DLG2: variants seen among roughly 807,000 people sequenced by gnomAD.
DLG2 encodes disks large homolog 2.
DLG2 carries 45 observed loss-of-function variants against 132.5 expected under a neutral mutation model. The ratio of observed to expected loss-of-function variants is 0.34; its 90% CI spans 0.27 to 0.44. DLG2 has a LOEUF of 0.44. Ranked by LOEUF, DLG2 falls within the 20% of genes least tolerant of loss-of-function variation. The pLI, the probability that DLG2 is intolerant of heterozygous loss-of-function variation, is 1.00. For missense variants in DLG2, 1,045 were observed against 1,196.9 expected (o/e 0.87, Z 1.87); for synonymous variants, 424 against 419.6 (o/e 1.01, Z -0.13).
chr11:84,481,588 A>G (rs1208867216), intron 7 of DLG2, among the ~76,000 whole-genome samples: 1 of 152,114 alleles, frequency 6.6e-6, no homozygotes, highest in African/African-American at 2.4e-5. Flanking sequence ...TTTTACCCAC[A>G]ATGTCTTCAG....
chr11:83,480,316 C>T, intron 22 of DLG2: 1 of 1,371,202 alleles, frequency 7.3e-7, no homozygotes. Context: ...AAATGACCAC[C>T]ACAGGCAATG....
intron 3 of DLG2, among the ~76,000 whole-genome samples, chr11:85,533,474 TATA>T (rs1206101621): frequency 1.3e-5 from 2 of 148,442 alleles, no homozygotes; most frequent in African/African-American, 4.9e-5. Flanking sequence ...TATATATATA[TATA>T]ATTCTTTTTA....
intron 11 of DLG2, among the ~76,000 whole-genome samples, chr11:83,998,768 T>C (rs2094180712): frequency 6.6e-6 from 1 of 152,060 alleles, no homozygotes; most frequent in Admixed American, 6.6e-5. Flanking sequence ...AAGCCACCGT[T>C]TTAGAGTCCT....
At chr11:83,517,683 G>A (rs942089325) in intron 21 of DLG2, among the ~76,000 whole-genome samples, 5 of 152,068 alleles carry the variant, frequency 3.3e-5, no homozygotes, top group East Asian at 1.9e-4. Flanking sequence ...TGATGGTGAC[G>A]TACAGATGGG....
At chr11:83,693,716 AT>A (rs1555335727) in intron 18 of DLG2, 2 of 152,138 alleles carry the variant, frequency 1.3e-5, no homozygotes, top group Non-Finnish European at 2.9e-5. Context: ...TTTGATTGCT[AT>A]TGTCTCTCTT....
At chr11:85,513,505 CTTAGAG>C (rs954103212) in intron 3 of DLG2, among the ~76,000 whole-genome samples, 21 of 151,968 alleles carry the variant, frequency 1.4e-4, no homozygotes, top group Admixed American at 3.9e-4. Flanking sequence ...CAGTTGAAAC[CTTAGAG>C]TTAATTAGCT....
intron 21 of DLG2, among the ~76,000 whole-genome samples, chr11:83,525,516 C>T (rs989493272): frequency 9.2e-5 from 14 of 152,050 alleles, no homozygotes; most frequent in East Asian, 3.8e-4. Flanking sequence ...GGAAAGAATC[C>T]GAGAGGAAAG....
chr11:84,875,407 A>C (rs1312688089), intron 6 of DLG2, among the ~76,000 whole-genome samples: 1 of 152,080 alleles, frequency 6.6e-6, no homozygotes, highest in Non-Finnish European at 1.5e-5. Flanking sequence ...TGAGGCCCTC[A>C]TCTACAAGGA....
chr11:83,899,057 T>C (rs561382688), intron 15 of DLG2, among the ~76,000 whole-genome samples: 11 of 151,054 alleles, frequency 7.3e-5, no homozygotes, highest in African/African-American at 2.7e-4. Context: ...GGAGTACTTT[T>C]TGCATACAGT....
chr11:85,056,146 A>G (rs146158017), intron 6 of DLG2, among the ~76,000 whole-genome samples: 25 of 152,280 alleles, frequency 1.6e-4, no homozygotes, highest in African/African-American at 5.3e-4. Context: ...ATTGATACAG[A>G]TATTAGAGTT....
At chr11:85,113,439 G>A (rs1181405784) in intron 5 of DLG2, among the ~76,000 whole-genome samples, 1 of 151,890 alleles carries the variant, frequency 6.6e-6, no homozygotes, top group African/African-American at 2.4e-5. Flanking sequence ...GGAAATGTGT[G>A]TTTCTGTTTT....
At chr11:84,537,169 C>T (rs759378885) in intron 6 of DLG2, among the ~76,000 whole-genome samples, 11 of 152,098 alleles carry the variant, frequency 7.2e-5, no homozygotes, top group African/African-American at 2.4e-4. Context: ...TGCAGTGGCA[C>T]GATCTCAGCT....
chr11:84,492,320 C>T (rs749697459), intron 7 of DLG2, among the ~76,000 whole-genome samples: 1 of 152,096 alleles, frequency 6.6e-6, no homozygotes, highest in Non-Finnish European at 1.5e-5. Flanking sequence ...TCAAGACAAG[C>T]TTCTAATCAG....
At chr11:85,606,029 G>A (rs1249247464) in intron 2 of DLG2, among the ~76,000 whole-genome samples, 1 of 152,028 alleles carries the variant, frequency 6.6e-6, no homozygotes, top group Non-Finnish European at 1.5e-5. Flanking sequence ...CATGGGAGTA[G>A]AGAATTAAGT....
At chr11:83,825,284 C>T (rs1039470334) in intron 17 of DLG2, among the ~76,000 whole-genome samples, 13 of 148,804 alleles carry the variant, frequency 8.7e-5, no homozygotes, top group Non-Finnish European at 1.8e-4. Context: ...CAGGTTCAAG[C>T]GATTCTCCTG....
intron 3 of DLG2, among the ~76,000 whole-genome samples, chr11:85,513,679 A>G (rs2094121063): frequency 6.6e-6 from 1 of 151,772 alleles, no homozygotes; most frequent in African/African-American, 2.4e-5. Context: ...ATTTTGATCT[A>G]CCCCACCTTT....
intron 7 of DLG2, among the ~76,000 whole-genome samples, chr11:84,433,990 C>T (rs546572602): frequency 6.6e-6 from 1 of 151,736 alleles, no homozygotes; most frequent in East Asian, 1.9e-4. Flanking sequence ...TATTGACACA[C>T]ACATGTGTTC....
At chr11:84,109,147 T>C (rs1176207241) in intron 9 of DLG2, among the ~76,000 whole-genome samples, 1 of 152,160 alleles carries the variant, frequency 6.6e-6, no homozygotes, top group African/African-American at 2.4e-5. Context: ...ACTCATTTAG[T>C]GCTTGCTATA....
chr11:85,296,434 G>T (rs2079207931), intron 3 of DLG2, among the ~76,000 whole-genome samples: 2 of 147,820 alleles, frequency 1.4e-5, no homozygotes, highest in South Asian at 2.1e-4. Context: ...ATTACAACTT[G>T]CCAAAATGGC....
Sources: allele counts gnomAD v4.1 joint callset (sites outside exome capture counted in the v4.1 genomes callset), GRCh38; gene constraint gnomAD v4.1.1; transcripts MANE v1.5; gene names NCBI Gene and HGNC (gene_info 2026-07-23, HGNC 2026-07-21).